PRPF38B: variants seen among roughly 807,000 people sequenced by gnomAD.
PRPF38B encodes the protein pre-mRNA-splicing factor 38B.
In PRPF38B, 18 loss-of-function variants were observed where a neutral mutation model predicts 67.2. The observed-to-expected ratio is 0.27, with a 90% CI of 0.19 to 0.40. The LOEUF (loss-of-function observed/expected upper bound fraction) is 0.40. Among genes scored for constraint, PRPF38B ranks in the 10% least tolerant of loss-of-function variants. PRPF38B has a pLI of 1.00. For missense variants in PRPF38B, 544 were observed against 684.9 expected (o/e 0.79, Z 2.30); for synonymous variants, 246 against 234.2 (o/e 1.05, Z -0.46).
In PRPF38B at chr1:108,700,486, A is replaced by G. The variant is rs1660371427; in HGVS notation, c.*466A>G. 1 of 154,982 alleles carries G rather than the reference A, an allele frequency of 6.5e-6. No individual in the cohort carries two copies. The highest frequency in any genetic ancestry group is 2.0e-4 in the South Asian group (1 of 5,022). 9.6% of individuals were successfully genotyped at this position (154,982 alleles called of 1,614,324 possible). A position where few individuals can be genotyped will look rare whatever the true frequency, so the allele number is the denominator to read the frequency against. On this transcript the variant is annotated 3_prime_UTR_variant, in exon 6 of 6. Coordinates refer to ENST00000370025, the MANE Select transcript of PRPF38B (RefSeq NM_018061.4). ...CTTGGATGTCTATTATAGGAGAAGT[A>G]TGTGCTGCCAATGTACAAGAAGGCA...
rs1355238327 is a variant in PRPF38B, at chr1:108,698,595, T to G, written c.559-9T>G. 6.3e-7 allele frequency: 1 copy of G among 1,575,686 alleles called. No individual in the cohort carries two copies. The highest frequency in any genetic ancestry group is 1.4e-5 in the African/African-American group (1 of 73,942). ...TTTGACGGCTAGGGTATCTTTTGTG[T>G]TTCTGTAGGACCTAGATGTGAAGGC... is the stretch of plus-strand genomic sequence containing the variant. On this transcript the variant is annotated splice_polypyrimidine_tract_variant and intron_variant, in intron 4 of 5. Transcript: ENST00000370025.
At chr1:108,694,932 T>C (rs1175651252) in intron 1 of PRPF38B, among the ~76,000 whole-genome samples, 1 of 152,146 alleles carries the variant, frequency 6.6e-6, no homozygotes, top group Admixed American at 6.5e-5. Flanking sequence ...TGATGATACT[T>C]AGTATATGCC....
In PRPF38B at chr1:108,701,693, A is replaced by C. The variant is rs544488698; in HGVS notation, c.*1673A>C. The C allele has an allele frequency of 1.1e-4, 17 of 152,188 alleles. No individual in the cohort carries two copies. The highest frequency in any genetic ancestry group is 2.2e-4 in the Non-Finnish European group (15 of 68,030). The allele number at this position is 152,188 out of a possible 1,614,324, so 9.4% of individuals were successfully genotyped here. Reference sequence around the variant, plus strand: ...ATGCGCACTCAGAAGCCACCTTGCAAAAATGTTAAATGGAGCAAACGAGTA... The same window carrying C: ...ATGCGCACTCAGAAGCCACCTTGCACAAATGTTAAATGGAGCAAACGAGTA... On this transcript the variant is annotated 3_prime_UTR_variant, in exon 6 of 6. Transcript: ENST00000370025.
chr1:108,701,110 T>G lies in PRPF38B; in HGVS notation c.*1090T>G, dbSNP rs1660449334. 6.5e-6 allele frequency: 1 copy of G among 152,702 alleles called. No homozygotes were observed. 9.5% of individuals were successfully genotyped at this position (152,702 alleles called of 1,614,324 possible). A position where few individuals can be genotyped will look rare whatever the true frequency, so the allele number is the denominator to read the frequency against. ...TTAAGACTATCAGCAAATTATTTGA[T>G]AGATTGTTCTTACAACTTGTATTCT... On this transcript the variant is annotated 3_prime_UTR_variant, in exon 6 of 6. Transcript: ENST00000370025.
chr1:108,694,016 C>G (rs1242148115), intron 1 of PRPF38B, among the ~76,000 whole-genome samples: 1 of 152,142 alleles, frequency 6.6e-6, no homozygotes, highest in Non-Finnish European at 1.5e-5. Flanking sequence ...TCTTGCCCAC[C>G]TTTTCCCCCA....
intron 4 of PRPF38B, 87 bp from the exon 5 acceptor site, chr1:108,698,517 T>G: frequency 1.0e-6 from 1 of 976,212 alleles, no homozygotes; most frequent in South Asian, 1.8e-5. Flanking sequence ...TGTATTGAGA[T>G]TCCAAAGATG....
intron 4 of PRPF38B, chr1:108,696,664 T>G (rs1659888080): frequency 2.8e-6 from 2 of 709,210 alleles, no homozygotes; most frequent in Admixed American, 4.1e-5. Context: ...TGGGGCATGC[T>G]CAAGATCGAA....
intron 4 of PRPF38B, chr1:108,696,603 C>T (rs992251269): frequency 3.2e-6 from 2 of 623,172 alleles, no homozygotes; most frequent in Non-Finnish European, 5.7e-6. Flanking sequence ...TAATTATGTT[C>T]TGTGTATTGT....
In PRPF38B at chr1:108,702,349, C is replaced by G. The variant is rs770758206; in HGVS notation, c.*2329C>G. On this transcript the variant is annotated 3_prime_UTR_variant, in exon 6 of 6. Transcript: ENST00000370025. ...ATGTTGCCCAGGCTGGTCTTGAACT[C>G]CTGGCCTCAAGTGATCCACCCACCT... Among the ~76,000 whole-genome samples, 1 of 152,162 alleles carries G rather than the reference C, an allele frequency of 6.6e-6. No homozygotes were observed. The highest frequency in any genetic ancestry group is 1.5e-5 in the Non-Finnish European group (1 of 68,024).
rs1054581356 is a variant in PRPF38B at position 108,699,364 on chromosome 1, C to T, written c.985C>T (p.Arg329Cys). The change falls in exon 6 of 6, where the codon CGC (arginine) becomes TGC (cysteine). Residue 329 changes from arginine to cysteine, a missense_variant. Coordinates refer to ENST00000370025, the MANE Select transcript of PRPF38B (RefSeq NM_018061.4). The stretch of plus-strand genomic sequence containing the variant: ...TATTGACCGGGGGTTAGAACGCAGG[C>T]GCAGCAGAAGTAGGGAAAGGCATAG... The part of the protein sequence containing the change: ...RSIDRGLERR[R>C]SRSRERHRSR... The T allele has an allele frequency of 1.3e-5, 21 of 1,613,774 alleles. No individual in the cohort carries two copies. The highest frequency in any genetic ancestry group is 2.2e-5 in the East Asian group (1 of 44,878).
chr1:108,699,735 C>T lies in PRPF38B; in HGVS notation c.1356C>T (p.Ser452=), dbSNP rs1167613379. 1.2e-6 allele frequency: 2 copies of T among 1,613,210 alleles called. No homozygotes were observed. Among genetic ancestry groups the T allele is most frequent in the Admixed American group, 3.3e-5 (2 of 59,900 alleles). The change falls in exon 6 of 6, where the codon AGC becomes AGT. Residue 452 remains serine, a synonymous_variant. Coordinates refer to ENST00000370025, the MANE Select transcript of PRPF38B (RefSeq NM_018061.4). ...RNAGKRSRSR[S]KEKSSKHKNE... ...CAGGGAAACGAAGTAGAAGTAGAAGCAAAGAGAAATCAAGTAAACATAAAA... is the reference window on the plus strand; with the variant it reads ...CAGGGAAACGAAGTAGAAGTAGAAGTAAAGAGAAATCAAGTAAACATAAAA...
intron 4 of PRPF38B, chr1:108,697,084 A>T (rs1358303594): frequency 4.0e-6 from 1 of 247,124 alleles, no homozygotes; most frequent in East Asian, 8.5e-5. Context: ...CTACAAAAAA[A>T]AGTTTAAAAA....
In PRPF38B at chr1:108,700,755, CAT is replaced by C. The variant is rs1448808625; in HGVS notation, c.*736_*737del. On this transcript the variant is annotated 3_prime_UTR_variant, in exon 6 of 6. Transcript: ENST00000370025. ...CTTTTTTATTTGAAAAAATACATGACATGTAATCTTTTTTTCTTGAATTCTTT... is the reference window on the plus strand; with the variant it reads ...CTTTTTTATTTGAAAAAATACATGACGTAATCTTTTTTTCTTGAATTCTTT... 4 of 152,496 alleles carry C rather than the reference CAT, an allele frequency of 2.6e-5. No homozygotes were observed. Among genetic ancestry groups the C allele is most frequent in the Non-Finnish European group, 5.9e-5 (4 of 68,020 alleles). The allele number at this position is 152,496 out of a possible 1,614,324, so 9.4% of individuals were successfully genotyped here. A position where few individuals can be genotyped will look rare whatever the true frequency, so the allele number is the denominator to read the frequency against.
In PRPF38B at chr1:108,699,310, A is replaced by C. The variant is rs771875984; in HGVS notation, c.931A>C (p.Arg311=). 1.2e-6 allele frequency: 2 copies of C among 1,614,064 alleles called. No individual in the cohort carries two copies. The highest frequency in any genetic ancestry group is 1.7e-5 in the Admixed American group (1 of 59,998). ...RQRLEREAKE[R]EKERRRSRSI... is the part of the protein sequence containing the mutation. The stretch of plus-strand genomic sequence containing the variant: ...GCGACTAGAGCGTGAAGCCAAAGAA[A>C]GGGAGAAAGAACGGCGAAGATCCCG... The change falls in exon 6 of 6, where the codon AGG becomes CGG. Residue 311 remains arginine, a synonymous_variant. Transcript: ENST00000370025.
At position 108,700,809 on chromosome 1, in the gene PRPF38B, G is replaced by GA. The variant is rs1273149500; in HGVS notation, c.*796dup. ...TCAGATTTTAAAGTACTATATTAAA[G>GA]AAAAAAATTAATGTCTAAAGCCTAG... is the stretch of plus-strand genomic sequence containing the variant. On this transcript the variant is annotated 3_prime_UTR_variant, in exon 6 of 6. Coordinates refer to ENST00000370025, the MANE Select transcript of PRPF38B (RefSeq NM_018061.4). The GA allele has an allele frequency of 2.0e-5, 3 of 152,266 alleles. No homozygotes were observed. The highest frequency in any genetic ancestry group is 4.8e-5 in the African/African-American group (2 of 41,322). The allele number at this position is 152,266 out of a possible 1,614,324, so 9.4% of individuals were successfully genotyped here. A position where few individuals can be genotyped will look rare whatever the true frequency, so the allele number is the denominator to read the frequency against.
Position 108,692,539 on chromosome 1 carries a change from G to C in PRPF38B, c.-53G>C. ...GACCGTTGTCCCGAAGAGCGAGATC[G>C]AGCTTGGCCCCCTCCCCCCCCTCCT... On this transcript the variant is annotated 5_prime_UTR_variant, in exon 1 of 6. Transcript: ENST00000370025. The C allele has an allele frequency of 6.7e-7, 1 of 1,486,940 alleles. No homozygotes were observed. The highest frequency in any genetic ancestry group is 2.5e-5 in the East Asian group (1 of 40,588). 92.1% of individuals were successfully genotyped at this position (1,486,940 alleles called of 1,614,324 possible).
In PRPF38B at chr1:108,692,666, A is replaced by G; in HGVS notation, c.75A>G (p.Gln25=). The G allele has an allele frequency of 6.2e-7, 1 of 1,612,608 alleles. No homozygotes were observed. The highest frequency in any genetic ancestry group is 8.5e-7 in the Non-Finnish European group (1 of 1,179,788). Residue 25 remains glutamine (Q), a synonymous_variant, in exon 1 of 6, where the codon CAA becomes CAG. Transcript: ENST00000370025. Reference sequence around the variant, plus strand: ...AGGCGGCTGCAGCTGCGGCTCAGCAACAGCAGCAGTGCGGCGGCGGCGGCG... The same window carrying G: ...AGGCGGCTGCAGCTGCGGCTCAGCAGCAGCAGCAGTGCGGCGGCGGCGGCG... ...QHQAAAAAAQ[Q]QQQCGGGGAT...
At position 108,702,187 on chromosome 1, in the gene PRPF38B, G is replaced by A. The variant is rs932234433; in HGVS notation, c.*2167G>A. 3.3e-5 allele frequency among the ~76,000 whole-genome samples: 5 copies of A among 152,194 alleles called. No individual in the cohort carries two copies. Among genetic ancestry groups the A allele is most frequent in the Non-Finnish European group, 7.4e-5 (5 of 68,022 alleles). On this transcript the variant is annotated 3_prime_UTR_variant, in exon 6 of 6. Coordinates refer to ENST00000370025, the MANE Select transcript of PRPF38B (RefSeq NM_018061.4). ...GTCACCCAGACTGGAGTGCAGTGGTGCAATCTCTGCTCACTGCAGCCTCCA... is the reference window on the plus strand; with the variant it reads ...GTCACCCAGACTGGAGTGCAGTGGTACAATCTCTGCTCACTGCAGCCTCCA...
At position 108,692,361 on chromosome 1, in the gene PRPF38B, GC is replaced by G; in HGVS notation, c.-230del. 1.8e-6 allele frequency: 1 copy of G among 560,694 alleles called. No homozygotes were observed. The highest frequency in any genetic ancestry group is 3.1e-5 in the East Asian group (1 of 32,380). 34.7% of individuals were successfully genotyped at this position (560,694 alleles called of 1,614,324 possible). A position where few individuals can be genotyped will look rare whatever the true frequency, so the allele number is the denominator to read the frequency against. ...AAGAGATCGAGCTCCCTGGCTGCCG[GC>G]TCGCCTTCTGCGTGGAGTTCTCGCG... On this transcript the variant is annotated 5_prime_UTR_variant, in exon 1 of 6. Transcript: ENST00000370025.
Sources: allele counts gnomAD v4.1 joint callset (sites outside exome capture counted in the v4.1 genomes callset), GRCh38; gene constraint gnomAD v4.1.1; transcripts MANE v1.5; gene names NCBI Gene and HGNC (gene_info 2026-07-23, HGNC 2026-07-21).